Variants in PRDM2 observed in about 807,000 individuals in gnomAD.
PRDM2 encodes the protein PR/SET domain 2, also known as PR domain zinc finger protein 2.
PRDM2 carries 30 observed loss-of-function variants against 130.0 expected under a neutral mutation model. That is an observed-to-expected ratio of 0.23 (90% CI 0.17 to 0.31). The LOEUF (loss-of-function observed/expected upper bound fraction) is 0.31. Among genes scored for constraint, PRDM2 ranks in the 10% least tolerant of loss-of-function variants. PRDM2 has a pLI of 1.00. For missense variants in PRDM2, 2,011 were observed against 2,108.4 expected (o/e 0.95, Z 0.90); for synonymous variants, 871 against 782.4 (o/e 1.11, Z -1.89).
intron 8 of PRDM2, chr1:13,786,656 T>C: frequency 6.5e-7 from 1 of 1,543,536 alleles, no homozygotes. Context: ...GACTCAAAAA[T>C]CCTAACATTC....
At chr1:13,817,213 T>C (rs1645271573) in intron 9 of PRDM2, among the ~76,000 whole-genome samples, 1 of 152,220 alleles carries the variant, frequency 6.6e-6, no homozygotes, top group Admixed American at 6.5e-5. Flanking sequence ...GGATTAGGGA[T>C]GCTGACCCAG....
intron 4 of PRDM2, among the ~76,000 whole-genome samples, chr1:13,733,929 G>C (rs1643188127): frequency 6.6e-6 from 1 of 152,198 alleles, no homozygotes; most frequent in African/African-American, 2.4e-5. Context: ...AATAAAGTAT[G>C]GCTAGGAAGT....
In PRDM2 at chr1:13,732,692, CTG is replaced by C. The variant is rs1017400800; in HGVS notation, c.128-85_128-84del. On this transcript the variant is annotated intron_variant, in intron 3 of 9. Transcript: ENST00000311066. Reference sequence around the variant, plus strand: ...TGATTTAGGCAGTCTAGCCTTTTAACTGTTTTGTGAAACTTAAGCGATTTTAA... The same window carrying C: ...TGATTTAGGCAGTCTAGCCTTTTAACTTTTGTGAAACTTAAGCGATTTTAA... The C allele has an allele frequency of 2.2e-5, 21 of 938,036 alleles. 1 individual carries two copies. Among genetic ancestry groups the C allele is most frequent in the East Asian group, 2.2e-4 (8 of 36,896 alleles). 58.1% of individuals were successfully genotyped at this position (938,036 alleles called of 1,614,324 possible).
chr1:13,735,651 G>A (rs1643245659), intron 4 of PRDM2, among the ~76,000 whole-genome samples: 1 of 151,994 alleles, frequency 6.6e-6, no homozygotes, highest in Non-Finnish European at 1.5e-5. Flanking sequence ...CACATGCACT[G>A]CCTTCCCCAT....
At chr1:13,794,951 G>T (rs1448595541) in intron 8 of PRDM2, among the ~76,000 whole-genome samples, 1 of 152,150 alleles carries the variant, frequency 6.6e-6, no homozygotes, top group East Asian at 1.9e-4. Flanking sequence ...GTTCCTCTGT[G>T]GACCAGAGCT....
intron 7 of PRDM2, among the ~76,000 whole-genome samples, chr1:13,774,135 G>A (rs192265197): frequency 2.0e-4 from 30 of 152,242 alleles, no homozygotes; most frequent in African/African-American, 6.0e-4. Context: ...GGCCTGCCAC[G>A]ACGTAAGAAT....
At chr1:13,776,581 T>C (rs1644480310) in intron 7 of PRDM2, among the ~76,000 whole-genome samples, 1 of 152,200 alleles carries the variant, frequency 6.6e-6, no homozygotes, top group South Asian at 2.1e-4. Context: ...CTCCATCTCC[T>C]TCCATTCTCT....
chr1:13,749,645 G>T (rs1213024612), intron 6 of PRDM2, among the ~76,000 whole-genome samples, 158 bp downstream of exon 6: 1 of 149,040 alleles, frequency 6.7e-6, no homozygotes, highest in African/African-American at 2.5e-5. Context: ...ACTCGGCCCT[G>T]CCCCGGCCCC....
At chr1:13,799,744 A>G (rs981305967) in intron 8 of PRDM2, among the ~76,000 whole-genome samples, 3 of 152,354 alleles carry the variant, frequency 2.0e-5, no homozygotes, top group East Asian at 1.9e-4. Context: ...TGCCGCTTGT[A>G]TTTATTATCA....
chr1:13,800,841 A>G (rs1209835399), intron 8 of PRDM2, among the ~76,000 whole-genome samples: 2 of 152,084 alleles, frequency 1.3e-5, no homozygotes, highest in Non-Finnish European at 2.9e-5. Flanking sequence ...ATTGAACTCC[A>G]TTGAGCTCCT....
At position 13,782,154 on chromosome 1, in the gene PRDM2, C is replaced by T. The variant is rs781220110; in HGVS notation, c.4359C>T (p.Ser1453=). The change falls in exon 8 of 10, where the codon TCC becomes TCT. Residue 1453 remains serine, a synonymous_variant. Coordinates refer to ENST00000311066, the MANE Select transcript of PRDM2 (RefSeq NM_001393986.1). The stretch of plus-strand genomic sequence containing the variant: ...ACTTGAAAAATGCTTGTGAGTCATC[C>T]TCTCACATCTGCCCTTACTGTAATC... ...KADLKNACES[S]SHICPYCNRE... 1.2e-6 allele frequency: 2 copies of T among 1,613,828 alleles called. No homozygotes were observed. Among genetic ancestry groups the T allele is most frequent in the Middle Eastern group, 1.6e-4 (1 of 6,062 alleles).
Position 13,715,568 on chromosome 1 carries a change from G to A in PRDM2, c.-38G>A. The stretch of plus-strand genomic sequence containing the variant: ...TTCATGTAATCAAAGAAGTTTCTTT[G>A]TTGTGTGTATCTTTACAGAACACAA... On this transcript the variant is annotated 5_prime_UTR_variant, in exon 2 of 10. Coordinates refer to ENST00000311066, the MANE Select transcript of PRDM2 (RefSeq NM_001393986.1). The A allele has an allele frequency of 1.3e-6, 2 of 1,539,486 alleles. No individual in the cohort carries two copies. Among genetic ancestry groups the A allele is most frequent in the Non-Finnish European group, 1.7e-6 (2 of 1,145,464 alleles).
intron 1 of PRDM2, chr1:13,704,793 C>G (rs1642159073): frequency 6.6e-6 from 1 of 152,166 alleles, no homozygotes; most frequent in Non-Finnish European, 1.5e-5. Flanking sequence ...CAGTATGAAT[C>G]CTGTACATTG....
chr1:13,811,799 A>G (rs1162621139), intron 8 of PRDM2, among the ~76,000 whole-genome samples: 2 of 152,258 alleles, frequency 1.3e-5, no homozygotes, highest in Admixed American at 1.3e-4. Context: ...GGCTATGGGA[A>G]CAGGGCTGGG....
chr1:13,763,000 G>A (rs1167945742), intron 6 of PRDM2, among the ~76,000 whole-genome samples: 1 of 152,190 alleles, frequency 6.6e-6, no homozygotes, highest in Non-Finnish European at 1.5e-5. Flanking sequence ...TTCATGGTGG[G>A]CCGAGTGATT....
rs146220864 is a variant in PRDM2, at chr1:13,761,957, C to A, written c.512-11121C>A. Among the ~76,000 whole-genome samples the A allele has an allele frequency of 3.4e-3, 525 of 152,186 alleles. 4 individuals carry two copies. Among genetic ancestry groups the A allele is most frequent in the African/African-American group, 0.012 (497 of 41,528 alleles). ...TGTGAATCAGCGGAGAACAAATGAA[C>A]AAAACAAATGGATGAATTAGGAATT... is the stretch of plus-strand genomic sequence containing the variant. On this transcript the variant is annotated intron_variant, in intron 6 of 9. Transcript: ENST00000311066.
In PRDM2 at chr1:13,780,605, C is replaced by T; in HGVS notation, c.2810C>T (p.Thr937Ile). The T allele has an allele frequency of 1.2e-6, 2 of 1,614,096 alleles. No homozygotes were observed. The highest frequency in any genetic ancestry group is 1.7e-6 in the Non-Finnish European group (2 of 1,180,002). The change falls in exon 8 of 10, where the codon ACT (threonine) becomes ATT (isoleucine). Residue 937 changes from threonine (T) to isoleucine (I), a missense_variant. Coordinates refer to ENST00000311066, the MANE Select transcript of PRDM2 (RefSeq NM_001393986.1). ...CCGGGCTCTGGTTTCCCTGCCCCTA[C>T]TGTTGAGTCCACACCTGATGTTTGT... ...LGPGSGFPAP[T>I]VESTPDVCPS...
intron 4 of PRDM2, among the ~76,000 whole-genome samples, chr1:13,734,119 G>T (rs1399896618): frequency 6.6e-6 from 1 of 152,124 alleles, no homozygotes; most frequent in Non-Finnish European, 1.5e-5. Flanking sequence ...TTAACGGGGG[G>T]TGTCTTAGGA....
intron 6 of PRDM2, among the ~76,000 whole-genome samples, chr1:13,751,401 A>G (rs923038083): frequency 6.6e-6 from 1 of 152,170 alleles, no homozygotes; most frequent in Non-Finnish European, 1.5e-5. Context: ...CTGGTTAAAG[A>G]GACCTATTTG....
Sources: allele counts gnomAD v4.1 joint callset (sites outside exome capture counted in the v4.1 genomes callset), GRCh38; gene constraint gnomAD v4.1.1; transcripts MANE v1.5; gene names NCBI Gene and HGNC (gene_info 2026-07-23, HGNC 2026-07-21).